The following PIK3C3 variants were observed in gnomAD, a reference collection of about 807,000 sequenced individuals.
PIK3C3 encodes the protein PI3-kinase type 3.
PIK3C3 carries 95 observed loss-of-function variants against 126.1 expected under a neutral mutation model. The observed-to-expected ratio is 0.75, with a 90% CI of 0.64 to 0.89. PIK3C3 has a LOEUF of 0.89. Among genes scored for constraint, PIK3C3 ranks in the 40% least tolerant of loss-of-function variants. PIK3C3 has a pLI of 0.00. For missense variants in PIK3C3, 829 were observed against 1,063.2 expected, an observed-to-expected ratio of 0.78 and a Z score of 3.06; for synonymous variants, 374 against 360.0, an observed-to-expected ratio of 1.04 and a Z score of -0.44.
chr18:42,015,940 A>AT (rs1983054241), intron 12 of PIK3C3, among the ~76,000 whole-genome samples: 1 of 152,192 alleles, frequency 6.6e-6, no homozygotes, highest in Admixed American at 6.5e-5. Flanking sequence ...TAGAGTTAAT[A>AT]CACTAAGCAA....
chr18:42,063,140 C>T (rs1387997288), intron 22 of PIK3C3, among the ~76,000 whole-genome samples: 3 of 126,506 alleles, frequency 2.4e-5, no homozygotes, highest in Admixed American at 8.1e-5. Flanking sequence ...ACAACTATAC[C>T]GCCTTAAGAT....
chr18:42,067,278 C>G, intron 23 of PIK3C3, 110 bp from the exon 24 acceptor site: 1 of 933,230 alleles, frequency 1.1e-6, no homozygotes, highest in Non-Finnish European at 1.7e-6. Context: ...CATTTATTTG[C>G]CATAGGAATA....
rs1189856920 is a variant in PIK3C3, at chr18:42,083,270, T to TG, written c.*2133_*2134insG. 6.6e-6 allele frequency: 1 copy of TG among 152,084 alleles called. No individual in the cohort carries two copies. Among genetic ancestry groups the TG allele is most frequent in the African/African-American group, 2.4e-5 (1 of 41,434 alleles). The allele number at this position is 152,084 out of a possible 1,614,324, so 9.4% of individuals were successfully genotyped here. On this transcript the variant is annotated 3_prime_UTR_variant, in exon 25 of 25. Coordinates refer to ENST00000262039, the MANE Select transcript of PIK3C3 (RefSeq NM_002647.4). ...GTGTAGTCTGCATATTTCTTTATTA[T>TG]CATTGCCATGTGACTTCTTTGGTGA...
At chr18:42,048,522 A>G (rs1984656826) in intron 20 of PIK3C3, among the ~76,000 whole-genome samples, 1 of 152,218 alleles carries the variant, frequency 6.6e-6, no homozygotes, top group Non-Finnish European at 1.5e-5. Context: ...ATGGTTATCT[A>G]CTTAACTGGC....
intron 4 of PIK3C3, among the ~76,000 whole-genome samples, chr18:41,978,900 AC>A (rs1451417239): frequency 1.3e-5 from 2 of 151,886 alleles, no homozygotes; most frequent in Admixed American, 1.3e-4. Flanking sequence ...TTTTGATCTT[AC>A]CTTTTTTCCC....
chr18:42,053,642 G>A (rs928447139), intron 21 of PIK3C3, among the ~76,000 whole-genome samples: 4 of 152,006 alleles, frequency 2.6e-5, no homozygotes, highest in Non-Finnish European at 5.9e-5. Flanking sequence ...GCTTTAAAAA[G>A]CTTACTTAGG....
intron 19 of PIK3C3, among the ~76,000 whole-genome samples, chr18:42,041,168 C>G (rs1276520052): frequency 6.6e-6 from 1 of 150,392 alleles, no homozygotes; most frequent in East Asian, 2.0e-4. Flanking sequence ...GGTGACAGAG[C>G]AAGATTCTGT....
chr18:42,075,664 C>T (rs1985945474), intron 24 of PIK3C3, among the ~76,000 whole-genome samples: 2 of 150,210 alleles, frequency 1.3e-5, no homozygotes, highest in East Asian at 1.9e-4. Flanking sequence ...CAGATCTAGT[C>T]CTATATTTAT....
chr18:42,031,095 A>G (rs1983804426), intron 15 of PIK3C3, among the ~76,000 whole-genome samples: 1 of 152,236 alleles, frequency 6.6e-6, no homozygotes, highest in Non-Finnish European at 1.5e-5. Flanking sequence ...TATATTTACT[A>G]GAAACAAGCC....
intron 24 of PIK3C3, among the ~76,000 whole-genome samples, chr18:42,071,053 C>A (rs1309533373): frequency 6.6e-6 from 1 of 152,116 alleles, no homozygotes; most frequent in Non-Finnish European, 1.5e-5. Context: ...ATTACTTTAG[C>A]CTTGGTTGTT....
At chr18:42,048,680 C>T (rs1353979109) in intron 20 of PIK3C3, among the ~76,000 whole-genome samples, 2 of 152,072 alleles carry the variant, frequency 1.3e-5, no homozygotes, top group African/African-American at 4.8e-5. Context: ...TCTGGAATGG[C>T]CTTCAGAACC....
chr18:42,009,167 T>C (rs1174232118), intron 10 of PIK3C3, among the ~76,000 whole-genome samples: 2 of 152,170 alleles, frequency 1.3e-5, no homozygotes, highest in East Asian at 3.8e-4. Context: ...GAATCTCAAC[T>C]ATGATAATAG....
At chr18:42,010,859 G>A (rs1307878779) in intron 10 of PIK3C3, among the ~76,000 whole-genome samples, 1 of 152,174 alleles carries the variant, frequency 6.6e-6, no homozygotes, top group African/African-American at 2.4e-5. Flanking sequence ...CTCACAAAAT[G>A]TGTTTCTTAA....
intron 14 of PIK3C3, among the ~76,000 whole-genome samples, chr18:42,028,430 G>A (rs1483990804): frequency 6.6e-6 from 1 of 152,184 alleles, no homozygotes; most frequent in Non-Finnish European, 1.5e-5. Context: ...CCAGCAGAGG[G>A]TGCAAGGGCA....
intron 20 of PIK3C3, among the ~76,000 whole-genome samples, chr18:42,045,244 C>T (rs1321292796): frequency 6.6e-6 from 1 of 152,130 alleles, no homozygotes; most frequent in African/African-American, 2.4e-5. Flanking sequence ...TATTTAAAGA[C>T]TTAAAAACAC....
At position 42,015,524 on chromosome 18, in the gene PIK3C3, T is replaced by TG. The variant is rs760351926; in HGVS notation, c.1375dup (p.Ala459GlyfsTer33). The TG allele has an allele frequency of 6.2e-7, 1 of 1,613,776 alleles. No individual in the cohort carries two copies. Among genetic ancestry groups the TG allele is most frequent in the East Asian group, 2.2e-5 (1 of 44,856 alleles). On this transcript the variant is annotated frameshift_variant, in exon 12 of 25. Transcript: ENST00000262039. LOFTEE classifies it high-confidence loss of function. ...TTCCTTCAGTCTCTTCACCTCCTCC[T>TG]GCATCAAAAACAAAAGAAGTTCCAG... is the stretch of plus-strand genomic sequence containing the variant.
chr18:42,046,570 T>C (rs1984568212), intron 20 of PIK3C3, among the ~76,000 whole-genome samples: 1 of 152,158 alleles, frequency 6.6e-6, no homozygotes, highest in Non-Finnish European at 1.5e-5. Context: ...ACTAACAACA[T>C]TGTTTTGACA....
intron 20 of PIK3C3, among the ~76,000 whole-genome samples, chr18:42,044,616 G>A (rs2144481792): frequency 6.6e-6 from 1 of 152,056 alleles, no homozygotes; most frequent in East Asian, 1.9e-4. Flanking sequence ...CAGGGTTATG[G>A]CATGTTTCCC....
chr18:42,073,335 AT>A (rs1172161834), intron 24 of PIK3C3, among the ~76,000 whole-genome samples: 1 of 152,224 alleles, frequency 6.6e-6, no homozygotes, highest in East Asian at 1.9e-4. Context: ...GCTTAAGGGA[AT>A]TCAACTGTGA....
Sources: gnomAD v4.1 joint callset for allele counts (sites outside exome capture counted in the v4.1 genomes callset) on GRCh38, gnomAD v4.1.1 for gene constraint, MANE v1.5 for transcripts, NCBI Gene and HGNC (gene_info 2026-07-23, HGNC 2026-07-21) for gene names.